Variants in ROBO1 observed in about 807,000 individuals in gnomAD.
ROBO1 encodes roundabout guidance receptor 1, also known as roundabout homolog 1.
Under a neutral mutation model 195.9 loss-of-function variants are expected in ROBO1, and 149 were observed. That is an observed-to-expected ratio of 0.76 (90% CI 0.67 to 0.87). The LOEUF is 0.87. Among genes scored for constraint, ROBO1 ranks in the 40% least tolerant of loss-of-function variants. ROBO1 has a pLI of 0.00. For synonymous variants in ROBO1, 816 were observed against 733.2 expected (o/e 1.11, Z -1.82); for missense variants, 1,933 against 2,068.3 (o/e 0.93, Z 1.27).
At position 78,659,666 on chromosome 3, in the gene ROBO1, T is replaced by C; in HGVS notation, c.2442+20A>G. The stretch of plus-strand genomic sequence containing the variant: ...GGCTGCCCATCAGGACATTAATATA[T>C]ATATATATTATACTCATACCTTATA... On this transcript the variant is annotated intron_variant, in intron 17 of 30. Transcript: ENST00000464233. The C allele has an allele frequency of 6.8e-6, 10 of 1,466,618 alleles. No individual in the cohort carries two copies. Among genetic ancestry groups the C allele is most frequent in the Non-Finnish European group, 9.1e-6 (10 of 1,104,100 alleles). 90.9% of individuals were successfully genotyped at this position (1,466,618 alleles called of 1,614,324 possible).
At chr3:79,498,270 A>C (rs1004082289) in intron 2 of ROBO1, among the ~76,000 whole-genome samples, 2 of 152,258 alleles carry the variant, frequency 1.3e-5, no homozygotes, top group East Asian at 3.9e-4. Context: ...ATTGATGTAG[A>C]TCGATTTTCC....
At position 79,601,120 on chromosome 3, in the gene ROBO1, G is replaced by A. The variant is rs112029829; in HGVS notation, c.-50-11159C>T. The stretch of plus-strand genomic sequence containing the variant: ...AAACTGGAAAATGTTCATCCCAGAA[G>A]TGAACATTAGAGATGGAATTCGAAA... On this transcript the variant is annotated intron_variant, in intron 1 of 30. Coordinates refer to ENST00000464233, the MANE Select transcript of ROBO1 (RefSeq NM_002941.4). Among the ~76,000 whole-genome samples, 136 of 152,056 alleles carry A rather than the reference G, an allele frequency of 8.9e-4. 2 individuals carry two copies. The highest frequency in any genetic ancestry group is 2.4e-3 in the Admixed American group (37 of 15,230).
chr3:78,884,863 T>TG (rs1491102774), intron 4 of ROBO1, among the ~76,000 whole-genome samples: 43 of 133,922 alleles, frequency 3.2e-4, no homozygotes, highest in South Asian at 7.8e-4. Context: ...TCTCTCTCTC[T>TG]TTCTGTGTGT....
intron 2 of ROBO1, among the ~76,000 whole-genome samples, chr3:79,571,463 GA>G (rs1943277374): frequency 6.6e-6 from 1 of 151,928 alleles, no homozygotes; most frequent in South Asian, 2.1e-4. Flanking sequence ...TCAAAGGGGG[GA>G]AAAAGCCAAG....
At chr3:79,143,684 T>C (rs148518117) in intron 2 of ROBO1, among the ~76,000 whole-genome samples, 1 of 152,176 alleles carries the variant, frequency 6.6e-6, no homozygotes, top group African/African-American at 2.4e-5. Context: ...GTGCATAATA[T>C]AGGAATATTT....
intron 2 of ROBO1, among the ~76,000 whole-genome samples, chr3:79,473,399 T>C (rs1309371537): frequency 1.3e-5 from 2 of 152,112 alleles, no homozygotes; most frequent in African/African-American, 2.4e-5. Context: ...TGTATTAGCA[T>C]GTTGGGTAAA....
At chr3:79,500,119 C>CTTTT (rs57887981) in intron 2 of ROBO1, among the ~76,000 whole-genome samples, 9 of 72,476 alleles carry the variant, frequency 1.2e-4, no homozygotes, top group Admixed American at 1.9e-4. Flanking sequence ...TAAGTTTTCT[C>CTTTT]TTTTTTTTTT....
chr3:79,062,744 A>G (rs559302511), intron 3 of ROBO1, among the ~76,000 whole-genome samples: 1 of 152,234 alleles, frequency 6.6e-6, no homozygotes, highest in East Asian at 1.9e-4. Flanking sequence ...AGAAAACAAA[A>G]CACCACATGT....
intron 2 of ROBO1, among the ~76,000 whole-genome samples, chr3:79,462,479 A>G (rs1937698843): frequency 6.6e-6 from 1 of 152,222 alleles, no homozygotes; most frequent in Non-Finnish European, 1.5e-5. Context: ...GACACATCAA[A>G]TGACAACGGA....
intron 3 of ROBO1, among the ~76,000 whole-genome samples, chr3:79,002,511 A>G (rs1163181376): frequency 6.6e-6 from 1 of 152,144 alleles, no homozygotes. Flanking sequence ...GCTAAATATA[A>G]TCAATTTCAC....
At chr3:78,979,329 C>T in intron 3 of ROBO1, among the ~76,000 whole-genome samples, 1 of 152,186 alleles carries the variant, frequency 6.6e-6, no homozygotes, top group African/African-American at 2.4e-5. Context: ...TTATCTCACA[C>T]TGTCTTTGGA....
At chr3:78,811,642 T>C (rs1248582480) in intron 4 of ROBO1, among the ~76,000 whole-genome samples, 1 of 152,068 alleles carries the variant, frequency 6.6e-6, no homozygotes, top group East Asian at 1.9e-4. Flanking sequence ...TGACCTCCCA[T>C]AACACTCTAT....
chr3:79,568,099 G>A (rs1168725465), intron 2 of ROBO1, among the ~76,000 whole-genome samples: 1 of 151,958 alleles, frequency 6.6e-6, no homozygotes, highest in African/African-American at 2.4e-5. Context: ...CTTTATAGAC[G>A]CACTTTGGAG....
intron 8 of ROBO1, among the ~76,000 whole-genome samples, chr3:78,689,402 T>A (rs1243462190): frequency 6.6e-6 from 1 of 152,166 alleles, no homozygotes; most frequent in Non-Finnish European, 1.5e-5. Flanking sequence ...TCCAAACTGT[T>A]TGATTTAAAC....
chr3:79,224,832 GA>G (rs917073542), intron 2 of ROBO1, among the ~76,000 whole-genome samples: 2 of 152,148 alleles, frequency 1.3e-5, no homozygotes, highest in African/African-American at 4.8e-5. Context: ...AAAGATGGAT[GA>G]AAAGCCTGCC....
chr3:79,442,874 G>A lies in ROBO1; in HGVS notation c.88+146950C>T, dbSNP rs548999451. 5.3e-5 allele frequency among the ~76,000 whole-genome samples: 8 copies of A among 152,108 alleles called. No homozygotes were observed. In the South Asian group the frequency reaches 1.7e-3, roughly 32 times the overall value. Reference sequence around the variant, plus strand: ...ATTTTTTCTAAGGGAAAATATGCAGGGTACTTTTTATTGTAGACAAGTTTT... The same window carrying A: ...ATTTTTTCTAAGGGAAAATATGCAGAGTACTTTTTATTGTAGACAAGTTTT... On this transcript the variant is annotated intron_variant, in intron 2 of 30. Transcript: ENST00000464233.
chr3:78,636,131 G>A lies in ROBO1; in HGVS notation c.3038-23C>T, dbSNP rs369948016. On this transcript the variant is annotated intron_variant, in intron 22 of 30. Transcript: ENST00000464233. ...CAGCTATGTGCAATGGAGAGGAAAA[G>A]GAAAAAATCATTCTGCGTGGTTATT... 5.7e-5 allele frequency: 87 copies of A among 1,525,278 alleles called. 2 individuals are homozygous for A. The Middle Eastern group carries it at 7.0e-4, about 12-fold the overall frequency. The allele number at this position is 1,525,278 out of a possible 1,614,324, so 94.5% of individuals were successfully genotyped here. A position where few individuals can be genotyped will look rare whatever the true frequency, so the allele number is the denominator to read the frequency against.
At chr3:79,031,866 C>T (rs904195282) in intron 3 of ROBO1, among the ~76,000 whole-genome samples, 10 of 152,056 alleles carry the variant, frequency 6.6e-5, no homozygotes, top group Non-Finnish European at 1.2e-4. Context: ...AAACCATAAA[C>T]ACAATTTATA....
At chr3:79,718,142 CATT>C (rs1472939800) in intron 1 of ROBO1, among the ~76,000 whole-genome samples, 1 of 151,930 alleles carries the variant, frequency 6.6e-6, no homozygotes, top group Non-Finnish European at 1.5e-5. Flanking sequence ...CTGCTCATAA[CATT>C]ATTTTATTAC....
Sources: gnomAD v4.1 joint callset for allele counts (sites outside exome capture counted in the v4.1 genomes callset) on GRCh38, gnomAD v4.1.1 for gene constraint, MANE v1.5 for transcripts, NCBI Gene and HGNC (gene_info 2026-07-23, HGNC 2026-07-21) for gene names.